The following RBFOX1 variants were observed in gnomAD, a reference collection of about 807,000 sequenced individuals.
RBFOX1 encodes the protein RNA binding fox-1 homolog 1.
RBFOX1 carries 8 observed loss-of-function variants against 57.7 expected under a neutral mutation model. That is an observed-to-expected ratio of 0.14 (90% CI 0.08 to 0.25). The LOEUF is 0.25. RBFOX1 is among the 10% of genes least tolerant of loss of function. The pLI is 1.00. For synonymous variants in RBFOX1, 326 were observed against 222.4 expected (o/e 1.47, Z -4.15); for missense variants, 611 against 548.5 (o/e 1.11, Z -1.14).
At chr16:7,511,417 G>C (rs1027140656) in intron 4 of RBFOX1, among the ~76,000 whole-genome samples, 1 of 152,144 alleles carries the variant, frequency 6.6e-6, no homozygotes, top group Non-Finnish European at 1.5e-5. Flanking sequence ...TCTGTCTCCT[G>C]AGTCCACTTC....
At chr16:7,010,691 G>C (rs2093613394) in intron 3 of RBFOX1, among the ~76,000 whole-genome samples, 1 of 152,122 alleles carries the variant, frequency 6.6e-6, no homozygotes, top group East Asian at 1.9e-4. Flanking sequence ...AGCCTACCAA[G>C]TAGCTGGGAT....
intron 2 of RBFOX1, among the ~76,000 whole-genome samples, chr16:6,437,601 C>T (rs542388980): frequency 6.6e-6 from 1 of 152,236 alleles, no homozygotes; most frequent in East Asian, 1.9e-4. Flanking sequence ...TGAAGAACTA[C>T]CTGAGACTGT....
chr16:6,180,526 C>A lies in RBFOX1; in HGVS notation c.-126-136469C>A, dbSNP rs79725907. ...GAGTTTTCTTTTTTTTTTTCTTGGT[C>A]ATTCTCGTCTCTCTGTTTCATTTTT... On this transcript the variant is annotated intron_variant, in intron 1 of 15. Transcript: ENST00000550418. Among the ~76,000 whole-genome samples the A allele has an allele frequency of 8.0e-3, 1,186 of 147,888 alleles. 16 individuals are homozygous for A. The highest frequency in any genetic ancestry group is 0.029 in the African/African-American group (1,148 of 40,224).
At chr16:6,960,100 T>C (rs925090371) in intron 3 of RBFOX1, among the ~76,000 whole-genome samples, 5 of 151,918 alleles carry the variant, frequency 3.3e-5, no homozygotes, top group Non-Finnish European at 7.4e-5. Flanking sequence ...ATTAAACAAG[T>C]GTATTGGGGG....
intron 2 of RBFOX1, among the ~76,000 whole-genome samples, chr16:6,466,576 C>T (rs752233488): frequency 2.0e-5 from 3 of 152,242 alleles, no homozygotes; most frequent in Non-Finnish European, 2.9e-5. Flanking sequence ...ATTGGAGACA[C>T]CCTCTCTCCT....
intron 4 of RBFOX1, among the ~76,000 whole-genome samples, chr16:5,879,260 G>A (rs1403471789): frequency 1.3e-5 from 2 of 152,240 alleles, no homozygotes; most frequent in Non-Finnish European, 2.9e-5. Flanking sequence ...GCTGTGCTGG[G>A]CCAGCAGGGG....
At chr16:6,914,150 A>C (rs1206004979) in intron 3 of RBFOX1, among the ~76,000 whole-genome samples, 3 of 152,200 alleles carry the variant, frequency 2.0e-5, no homozygotes, top group Admixed American at 1.3e-4. Flanking sequence ...ATACGAACAT[A>C]ATGAGTGCAT....
chr16:6,406,205 A>G (rs1395808549), intron 2 of RBFOX1, among the ~76,000 whole-genome samples: 2 of 152,224 alleles, frequency 1.3e-5, no homozygotes, highest in Admixed American at 6.5e-5. Context: ...TCATTGAAGC[A>G]TTTCTCTGGG....
intron 3 of RBFOX1, among the ~76,000 whole-genome samples, chr16:6,690,482 A>T (rs1333672745): frequency 2.0e-5 from 3 of 152,206 alleles, no homozygotes; most frequent in Middle Eastern, 3.2e-3. Context: ...TAAAGAAAAA[A>T]ATAAAATTAA....
intron 3 of RBFOX1, among the ~76,000 whole-genome samples, chr16:5,798,617 G>A (rs59204638): frequency 6.6e-6 from 1 of 152,188 alleles, no homozygotes; most frequent in Admixed American, 6.5e-5. Context: ...TTGTGGTCTG[G>A]ATCACTCACC....
At chr16:6,663,259 C>G (rs917844790) in intron 3 of RBFOX1, among the ~76,000 whole-genome samples, 1 of 152,178 alleles carries the variant, frequency 6.6e-6, no homozygotes, top group Non-Finnish European at 1.5e-5. Flanking sequence ...CACCCAGGAA[C>G]TTGTCACAGA....
intron 4 of RBFOX1, among the ~76,000 whole-genome samples, chr16:5,964,231 C>A (rs1240712554): frequency 6.6e-6 from 1 of 152,082 alleles, no homozygotes; most frequent in Non-Finnish European, 1.5e-5. Context: ...GGCTGTTGTC[C>A]AAAGGCCAAA....
At chr16:7,446,214 G>A (rs62015751) in intron 4 of RBFOX1, among the ~76,000 whole-genome samples, 33,632 of 152,072 alleles carry the variant, frequency 0.22, 5,239 homozygotes, top group East Asian at 0.49. Context: ...TATTAAAGTT[G>A]GCTCTTGAGT....
chr16:6,514,643 C>G (rs2096334428), intron 2 of RBFOX1, among the ~76,000 whole-genome samples: 1 of 152,174 alleles, frequency 6.6e-6, no homozygotes, highest in Admixed American at 6.5e-5. Flanking sequence ...TTGTCTGTGT[C>G]TCATCCATCT....
chr16:6,557,366 TATACTC>T (rs1284923339), intron 2 of RBFOX1, among the ~76,000 whole-genome samples: 2 of 152,034 alleles, frequency 1.3e-5, no homozygotes, highest in Admixed American at 1.3e-4. Context: ...TGCTAAGAAT[TATACTC>T]AAATCGTATT....
At chr16:6,917,611 C>G (rs1330998936) in intron 3 of RBFOX1, among the ~76,000 whole-genome samples, 1 of 151,306 alleles carries the variant, frequency 6.6e-6, no homozygotes, top group Admixed American at 6.6e-5. Context: ...CGGCTCCCTT[C>G]CTGCCTTCTA....
chr16:6,192,505 T>A (rs2097148450), intron 1 of RBFOX1, among the ~76,000 whole-genome samples: 1 of 152,064 alleles, frequency 6.6e-6, no homozygotes, highest in African/African-American at 2.4e-5. Context: ...CCCATACACA[T>A]GCACAGCTCA....
At position 5,806,324 on chromosome 16, in the gene RBFOX1, G is replaced by T. The variant is rs532196903; in HGVS notation, c.319-60979G>T. On this transcript the variant is annotated intron_variant, in intron 3 of 19. Coordinates refer to the RBFOX1 transcript ENST00000641259. ...TCAAGGTGTTGGCATTTGGCGTCTG[G>T]TGAGGGCCTTCCTCCTGCATCCCCA... Among the ~76,000 whole-genome samples the T allele has an allele frequency of 3.3e-5, 5 of 152,324 alleles. No individual in the cohort carries two copies. In the East Asian group the frequency reaches 9.7e-4, roughly 29 times the overall value.
At chr16:7,000,586 C>CTTTTTTTTTTTTTTTTTTTTTTTTT (rs149516490) in intron 3 of RBFOX1, among the ~76,000 whole-genome samples, 3 of 95,846 alleles carry the variant, frequency 3.1e-5, no homozygotes, top group African/African-American at 1.0e-4. Context: ...TTTTTTCTTT[C>CTTTTTTTTTTTTTTTTTTTTTTTTT]TTTTTCTTTC....
Sources: allele counts gnomAD v4.1 joint callset (sites outside exome capture counted in the v4.1 genomes callset), GRCh38; gene constraint gnomAD v4.1.1; transcripts MANE v1.5; gene names NCBI Gene and HGNC (gene_info 2026-07-23, HGNC 2026-07-21).